APBA1: variants seen among roughly 807,000 people sequenced by gnomAD.
APBA1 encodes amyloid-beta A4 precursor protein-binding family A member 1.
Under a neutral mutation model 86.6 loss-of-function variants are expected in APBA1, and 55 were observed. That is an observed-to-expected ratio of 0.64 (90% CI 0.51 to 0.80). The LOEUF is 0.80. Ranked by LOEUF, APBA1 falls within the 30% of genes least tolerant of loss-of-function variation. APBA1 has a pLI of 0.00. For synonymous variants in APBA1, 511 were observed against 493.9 expected, an observed-to-expected ratio of 1.03 and a Z score of -0.46; for missense variants, 1,090 against 1,183.0, an observed-to-expected ratio of 0.92 and a Z score of 1.15.
At chr9:69,467,790 C>T in intron 5 of APBA1, 33 bp downstream of exon 5, 1 of 1,613,564 alleles carries the variant, frequency 6.2e-7, no homozygotes, top group South Asian at 1.1e-5. Context: ...ACACCAGCCC[C>T]CTGTCCCTGT....
chr9:69,581,791 C>T (rs1028333447), intron 1 of APBA1, among the ~76,000 whole-genome samples: 1 of 152,178 alleles, frequency 6.6e-6, no homozygotes, highest in Non-Finnish European at 1.5e-5. Context: ...CAAGTCACCT[C>T]AGCTGCTGAG....
At chr9:69,471,585 T>G in intron 4 of APBA1, 71 bp downstream of exon 4, 1 of 1,243,512 alleles carries the variant, frequency 8.0e-7, no homozygotes, top group South Asian at 1.2e-5. Flanking sequence ...TATATCTCAG[T>G]GCTTCATATG....
chr9:69,558,624 T>C (rs549632235), intron 1 of APBA1, among the ~76,000 whole-genome samples: 8 of 151,824 alleles, frequency 5.3e-5, no homozygotes, highest in African/African-American at 1.9e-4. Flanking sequence ...CAGGGGTACA[T>C]GTGCAGGTTT....
chr9:69,590,292 T>C (rs1025636877), intron 1 of APBA1, among the ~76,000 whole-genome samples: 1 of 152,214 alleles, frequency 6.6e-6, no homozygotes, highest in African/African-American at 2.4e-5. Context: ...TTCAAATAAA[T>C]AGCTGTTGAA....
chr9:69,487,993 G>A (rs949626671), intron 2 of APBA1, among the ~76,000 whole-genome samples: 1 of 152,074 alleles, frequency 6.6e-6, no homozygotes, highest in African/African-American at 2.4e-5. Context: ...TGCAAATATT[G>A]CAAAAATAAA....
At chr9:69,529,230 T>C (rs4323531) in intron 1 of APBA1, among the ~76,000 whole-genome samples, 123,883 of 152,026 alleles carry the variant, frequency 0.81, 50,585 homozygotes, top group East Asian at 0.91. Flanking sequence ...GCTAGGGCTA[T>C]ACTAAATGAT....
At chr9:69,657,296 T>TTA (rs906183406) in intron 1 of APBA1, among the ~76,000 whole-genome samples, 1 of 152,206 alleles carries the variant, frequency 6.6e-6, no homozygotes, top group African/African-American at 2.4e-5. Context: ...AATAAATGTG[T>TTA]TATATATAGA....
At chr9:69,622,523 A>C (rs1208571367) in intron 1 of APBA1, among the ~76,000 whole-genome samples, 2 of 152,150 alleles carry the variant, frequency 1.3e-5, no homozygotes, top group East Asian at 3.8e-4. Flanking sequence ...AATTAAATCA[A>C]AGTCTGTTTT....
At chr9:69,667,755 T>A (rs1823869315) in intron 1 of APBA1, among the ~76,000 whole-genome samples, 1 of 151,944 alleles carries the variant, frequency 6.6e-6, no homozygotes, top group African/African-American at 2.4e-5. Context: ...ATACTCTCTC[T>A]CCTTCTCTTT....
At chr9:69,431,546 C>A in intron 12 of APBA1, 148 bp from the exon 13 acceptor site, 1 of 627,486 alleles carries the variant, frequency 1.6e-6, no homozygotes, top group Non-Finnish European at 2.7e-6. Context: ...AGGGACCTGA[C>A]CCAGGGTGGC....
intron 1 of APBA1, among the ~76,000 whole-genome samples, chr9:69,607,925 A>G (rs1029088512): frequency 6.6e-5 from 10 of 152,200 alleles, no homozygotes; most frequent in Admixed American, 4.6e-4. Context: ...GAAATCATGC[A>G]TGTAAAGCAC....
intron 1 of APBA1, among the ~76,000 whole-genome samples, chr9:69,545,204 G>A (rs903122243): frequency 3.3e-5 from 5 of 152,204 alleles, no homozygotes; most frequent in African/African-American, 1.2e-4. Context: ...TAAACAAAAT[G>A]GGCTTGATAG....
intron 1 of APBA1, among the ~76,000 whole-genome samples, chr9:69,527,574 G>C (rs899632578): frequency 3.3e-5 from 5 of 152,108 alleles, no homozygotes; most frequent in Admixed American, 1.3e-4. Context: ...TGAAAGGGGT[G>C]GAGGAGGTAG....
chr9:69,516,936 G>A lies in APBA1; in HGVS notation c.275C>T (p.Ala92Val). 1 of 1,594,324 alleles carries A rather than the reference G, an allele frequency of 6.3e-7. No individual in the cohort carries two copies. The change falls in exon 2 of 13, where the codon GCC becomes GTC. Residue 92 changes from alanine to valine, a missense_variant. By Grantham distance (64) the Ala-to-Val change is moderately conservative. This residue lies in a region of APBA1 where 678 missense variants were observed against 647.1 expected (regional missense o/e 1.05). Coordinates refer to ENST00000265381, the MANE Select transcript of APBA1 (RefSeq NM_001163.4). This position sits in a 1 kb window ranked among gnomAD's most constrained non-coding sequence, Gnocchi z 7.3. ...ESGFHNHTDT[A>V]EGDVIAAARD... is the part of the protein sequence containing the mutation. ...GGCCGCGGCGATCACGTCGCCCTCG[G>A]CGGTGTCCGTGTGGTTGTGGAAGCC...
chr9:69,514,260 T>G (rs1836097574), intron 2 of APBA1, among the ~76,000 whole-genome samples: 1 of 151,988 alleles, frequency 6.6e-6, no homozygotes, highest in South Asian at 2.1e-4. Context: ...ATGTGAAAAA[T>G]TAGGCACCTA....
chr9:69,432,057 G>A (rs1436725535), intron 12 of APBA1, among the ~76,000 whole-genome samples: 1 of 152,004 alleles, frequency 6.6e-6, no homozygotes, highest in African/African-American at 2.4e-5. Context: ...TGACTGATAG[G>A]AGTGATGAAT....
chr9:69,584,255 C>T (rs1211946946), intron 1 of APBA1, among the ~76,000 whole-genome samples: 2 of 152,138 alleles, frequency 1.3e-5, no homozygotes, highest in Non-Finnish European at 2.9e-5. Flanking sequence ...ATTTATCATA[C>T]TGTCTCCTCT....
chr9:69,500,972 T>C (rs1835872221), intron 2 of APBA1, among the ~76,000 whole-genome samples: 1 of 152,132 alleles, frequency 6.6e-6, no homozygotes, highest in South Asian at 2.1e-4. Context: ...AAGTCTATTT[T>C]CAGCTATTCC....
Position 69,516,977 on chromosome 9 carries a change from TGAGCG to T in APBA1, c.229_233del (p.Arg77SerfsTer101). ...TGTGGAAGCCGCTCTCCGTGCTGGCTGAGCGCGCCAGGCATTCCCCGCGCTCCTCT... is the reference window on the plus strand; with the variant it reads ...TGTGGAAGCCGCTCTCCGTGCTGGCTCGCCAGGCATTCCCCGCGCTCCTCT... On this transcript the variant is annotated frameshift_variant, in exon 2 of 13. Transcript: ENST00000265381. LOFTEE classifies it high-confidence loss of function. The surrounding 1 kb of genome is among the most constrained non-coding windows in gnomAD (Gnocchi z 7.3). 1 of 1,588,832 alleles carries T rather than the reference TGAGCG, an allele frequency of 6.3e-7. No individual in the cohort carries two copies. Among genetic ancestry groups the T allele is most frequent in the Non-Finnish European group, 8.5e-7 (1 of 1,174,504 alleles).
Sources: allele counts gnomAD v4.1 joint callset (sites outside exome capture counted in the v4.1 genomes callset), GRCh38; gene constraint gnomAD v4.1.1; regional missense constraint gnomAD v4.1.1; non-coding constraint Gnocchi (gnomAD v3.1); transcripts MANE v1.5; gene names NCBI Gene and HGNC (gene_info 2026-07-23, HGNC 2026-07-21).